The following MYO1C variants were observed in gnomAD, a reference collection of about 807,000 sequenced individuals.
MYO1C encodes the protein unconventional myosin-Ic.
Under a neutral mutation model 150.8 loss-of-function variants are expected in MYO1C, and 104 were observed. That is an observed-to-expected ratio of 0.69 (90% CI 0.59 to 0.81). The LOEUF (loss-of-function observed/expected upper bound fraction) is 0.81, where lower values mean the gene tolerates loss of function less well. MYO1C is among the 30% of genes least tolerant of loss of function. The pLI, the probability that MYO1C is intolerant of heterozygous loss-of-function variation, is 0.00. For missense variants in MYO1C, 1,504 were observed against 1,435.0 expected, an observed-to-expected ratio of 1.05 and a Z score of -0.78; for synonymous variants, 663 against 579.9, an observed-to-expected ratio of 1.14 and a Z score of -2.06.
chr17:1,477,710 G>T, intron 13 of MYO1C, 114 bp from the exon 14 acceptor site: 2 of 1,023,256 alleles, frequency 2.0e-6, no homozygotes, highest in Non-Finnish European at 3.1e-6. Context: ...ATCACAGGGA[G>T]TCTCCACAGA....
At chr17:1,484,470 T>C in intron 1 of MYO1C, 167 bp from the exon 2 acceptor site, 1 of 716,086 alleles carries the variant, frequency 1.4e-6, no homozygotes, top group Non-Finnish European at 2.3e-6. Context: ...AGGGCCTGGG[T>C]GTGGTGGGCC....
At position 1,469,632 on chromosome 17, in the gene MYO1C, G is replaced by A. The variant is rs1392133558; in HGVS notation, c.2527-18C>T. The A allele has an allele frequency of 1.9e-6, 3 of 1,592,070 alleles. No homozygotes were observed. In the African/African-American group the frequency reaches 4.0e-5, roughly 21 times the overall value. Reference sequence around the variant, plus strand: ...TCTGAGGCCTAAGGGGAGGAGTGAGGTCAGAGGTCCTGGACACCCTGGGCC... The same window carrying A: ...TCTGAGGCCTAAGGGGAGGAGTGAGATCAGAGGTCCTGGACACCCTGGGCC... On this transcript the variant is annotated intron_variant, in intron 24 of 31. Coordinates refer to ENST00000648651, the MANE Select transcript of MYO1C (RefSeq NM_001080779.2).
At position 1,485,276 on chromosome 17, in the gene MYO1C, GAGA is replaced by G. The variant is rs2074628307; in HGVS notation, c.76-976_76-974del. 21 of 1,153,452 alleles carry G rather than the reference GAGA, an allele frequency of 1.8e-5. 2 individuals are homozygous for G. The South Asian group carries it at 3.3e-4, about 18-fold the overall frequency. The allele number at this position is 1,153,452 out of a possible 1,614,324, so 71.5% of individuals were successfully genotyped here. On this transcript the variant is annotated intron_variant, in intron 1 of 31. Transcript: ENST00000648651. Reference sequence around the variant, plus strand: ...TGGACACCCAGAGTATCCAGGGTCAGAGAAGAACAAGGTGGTGGTGATTGGGGG... The same window carrying G: ...TGGACACCCAGAGTATCCAGGGTCAGAGAACAAGGTGGTGGTGATTGGGGG...
At chr17:1,466,474 G>A (rs1284146613) in intron 31 of MYO1C, among the ~76,000 whole-genome samples, 9 of 152,138 alleles carry the variant, frequency 5.9e-5, no homozygotes. Flanking sequence ...GGGATTACAG[G>A]CATGCGCCAC....
At chr17:1,488,799 C>T (rs1025763147) in intron 1 of MYO1C, among the ~76,000 whole-genome samples, 5 of 152,156 alleles carry the variant, frequency 3.3e-5, no homozygotes, top group Non-Finnish European at 7.4e-5. Flanking sequence ...CAGGCCATGG[C>T]CCCTGAGTGA....
chr17:1,477,413 CTGG>C (rs1223785042), intron 14 of MYO1C, 89 bp downstream of exon 14: 3 of 1,167,152 alleles, frequency 2.6e-6, no homozygotes, highest in African/African-American at 1.5e-5. Flanking sequence ...CTCCTTGTGG[CTGG>C]TGTTTTGTGA....
chr17:1,478,335 T>A lies in MYO1C; in HGVS notation c.1295+75A>T. 6.3e-7 allele frequency: 1 copy of A among 1,591,568 alleles called. No individual in the cohort carries two copies. Among genetic ancestry groups the A allele is most frequent in the Admixed American group, 1.7e-5 (1 of 59,944 alleles). ...TGGCTGGGGAGTCACAGGGCAGGAATGAGAGGCTGGAGGACAGAAGAGAGG... is the reference window on the plus strand; with the variant it reads ...TGGCTGGGGAGTCACAGGGCAGGAAAGAGAGGCTGGAGGACAGAAGAGAGG... On this transcript the variant is annotated intron_variant, in intron 11 of 31. Transcript: ENST00000648651. This position sits in a 1 kb window ranked among gnomAD's most constrained non-coding sequence, Gnocchi z 6.3.
chr17:1,491,286 C>G (rs1312308295), intron 1 of MYO1C: 1 of 152,534 alleles, frequency 6.6e-6, no homozygotes, highest in African/African-American at 2.4e-5. Flanking sequence ...CGGGTTTAGG[C>G]GGCTTCTCCG....
intron 1 of MYO1C, 82 bp from the exon 2 acceptor site, chr17:1,484,385 G>A (rs2074606856): frequency 8.5e-6 from 13 of 1,525,750 alleles, no homozygotes; most frequent in South Asian, 1.1e-5. Context: ...GGGACTGAGA[G>A]GGAACGTAGG....
Position 1,479,734 on chromosome 17 carries a change from G to T in MYO1C, c.907-29C>A. ...GGGGAGCAGGCCGGGGGCAGGAGGG[G>T]GTGAGAGGGGCCAGAGAGCCCCAAG... On this transcript the variant is annotated intron_variant, in intron 7 of 31. Transcript: ENST00000648651. The surrounding 1 kb of genome is among the most constrained non-coding windows in gnomAD (Gnocchi z 4.2). The T allele has an allele frequency of 6.5e-7, 1 of 1,549,474 alleles. No individual in the cohort carries two copies. The highest frequency in any genetic ancestry group is 8.8e-7 in the Non-Finnish European group (1 of 1,132,938).
At chr17:1,476,120 T>C (rs2074398734) in intron 14 of MYO1C, among the ~76,000 whole-genome samples, 1 of 152,170 alleles carries the variant, frequency 6.6e-6, no homozygotes, top group Non-Finnish European at 1.5e-5. Flanking sequence ...TAGTATTTAT[T>C]ATTTAATGAA....
In MYO1C at chr17:1,479,537, A is replaced by G. The variant is rs376462137; in HGVS notation, c.1021-35T>C. ...GCAGGCGAGGACACGGTGAGGGTGC[A>G]CCCCCAGCCCCCGCCCCCGCCGTCC... is the stretch of plus-strand genomic sequence containing the variant. On this transcript the variant is annotated intron_variant, in intron 8 of 31. Coordinates refer to ENST00000648651, the MANE Select transcript of MYO1C (RefSeq NM_001080779.2). The surrounding 1 kb of genome is among the most constrained non-coding windows in gnomAD (Gnocchi z 4.2). The G allele has an allele frequency of 1.4e-6, 2 of 1,470,828 alleles. No homozygotes were observed. Among genetic ancestry groups the G allele is most frequent in the Non-Finnish European group, 1.9e-6 (2 of 1,072,236 alleles). The allele number at this position is 1,470,828 out of a possible 1,614,324, so 91.1% of individuals were successfully genotyped here.
intron 1 of MYO1C, among the ~76,000 whole-genome samples, chr17:1,490,679 C>T (rs1465464413): frequency 1.3e-5 from 2 of 152,126 alleles, no homozygotes; most frequent in Admixed American, 6.5e-5. Flanking sequence ...AGGACACCCT[C>T]CATATGCCAG....
chr17:1,477,712 C>T, intron 13 of MYO1C, 116 bp from the exon 14 acceptor site: 1 of 987,798 alleles, frequency 1.0e-6, no homozygotes, highest in Non-Finnish European at 1.6e-6. Flanking sequence ...CACAGGGAGT[C>T]TCCACAGAGA....
In MYO1C at chr17:1,465,603, T is replaced by C. The variant is rs2074153350; in HGVS notation, c.*123A>G. ...AGAGGGATGGGCAGGAGGTGGGAGA[T>C]TGCAGGTGGGCTTCGGGGTGTCCCT... On this transcript the variant is annotated 3_prime_UTR_variant, in exon 32 of 32. Transcript: ENST00000648651. 3.9e-6 allele frequency: 4 copies of C among 1,034,378 alleles called. No individual in the cohort carries two copies. The highest frequency in any genetic ancestry group is 3.4e-5 in the South Asian group (1 of 29,478). 64.1% of individuals were successfully genotyped at this position (1,034,378 alleles called of 1,614,324 possible). A position where few individuals can be genotyped will look rare whatever the true frequency, so the allele number is the denominator to read the frequency against.
intron 1 of MYO1C, chr17:1,491,794 C>G (rs1392518867): frequency 2.7e-6 from 1 of 363,864 alleles, no homozygotes; most frequent in Non-Finnish European, 3.8e-6. Flanking sequence ...CGCGAAGCCT[C>G]GGTGCGTGCG....
chr17:1,484,484 T>C, intron 1 of MYO1C, 181 bp from the exon 2 acceptor site: 3 of 711,118 alleles, frequency 4.2e-6, no homozygotes, highest in Non-Finnish European at 7.1e-6. Flanking sequence ...GTGGGCCGGG[T>C]GCGGAAAGCC....
chr17:1,471,904 C>CA lies in MYO1C; in HGVS notation c.2021+2dup. 1 of 1,613,970 alleles carries CA rather than the reference C, an allele frequency of 6.2e-7. No individual in the cohort carries two copies. Among genetic ancestry groups the CA allele is most frequent in the Non-Finnish European group, 8.5e-7 (1 of 1,179,912 alleles). On this transcript the variant is annotated splice_region_variant and intron_variant, in intron 19 of 31. Transcript: ENST00000648651. ...CCTGGCACCGAGCAGGACCTGCCCC[C>CA]ACCTTTGCAGGAAAGCTTCGTATTT...
chr17:1,470,729 GA>G, intron 21 of MYO1C, 40 bp from the exon 22 acceptor site: 1 of 1,581,708 alleles, frequency 6.3e-7, no homozygotes, highest in Non-Finnish European at 8.6e-7. Context: ...AGAGCGCGGG[GA>G]GCCAGCTGGG....
Sources: allele counts gnomAD v4.1 joint callset (sites outside exome capture counted in the v4.1 genomes callset), GRCh38; gene constraint gnomAD v4.1.1; non-coding constraint Gnocchi (gnomAD v3.1); transcripts MANE v1.5; gene names NCBI Gene and HGNC (gene_info 2026-07-23, HGNC 2026-07-21).